The following TRIQK variants were observed in gnomAD, a reference collection of about 807,000 sequenced individuals.
The protein encoded by TRIQK is triple QxxK/R motif-containing protein.
Under a neutral mutation model 10.8 loss-of-function variants are expected in TRIQK, and 10 were observed. The observed-to-expected ratio is 0.92, with a 90% CI of 0.57 to 1.57. The LOEUF is 1.57. Among genes scored for constraint, TRIQK ranks in the 40% most tolerant of loss-of-function variants. The pLI is 0.00. For missense variants in TRIQK, 107 were observed against 97.7 expected (o/e 1.09, Z -0.40); for synonymous variants, 33 against 33.7 (o/e 0.98, Z 0.07).
intron 1 of TRIQK, among the ~76,000 whole-genome samples, chr8:93,012,109 G>T (rs760651667): frequency 6.6e-6 from 1 of 152,174 alleles, no homozygotes; most frequent in Non-Finnish European, 1.5e-5. Context: ...GGAATAAATT[G>T]ATAGGAATTA....
intron 2 of TRIQK, among the ~76,000 whole-genome samples, chr8:92,917,267 A>C (rs1380854457): frequency 6.6e-6 from 1 of 152,144 alleles, no homozygotes; most frequent in East Asian, 1.9e-4. Flanking sequence ...CCATTAAACC[A>C]TATTGTTAAA....
intron 1 of TRIQK, among the ~76,000 whole-genome samples, chr8:92,976,454 T>G (rs1812932454): frequency 2.0e-5 from 3 of 152,050 alleles, no homozygotes; most frequent in Admixed American, 2.0e-4. Context: ...AATATAATCA[T>G]GTCAGCTTTC....
At position 92,936,091 on chromosome 8, in the gene TRIQK, A is replaced by C. The variant is rs1371588318; in HGVS notation, c.-22+18315T>G. Among the ~76,000 whole-genome samples the C allele has an allele frequency of 2.6e-5, 4 of 151,734 alleles. No individual in the cohort carries two copies. In the East Asian group the frequency reaches 7.7e-4, roughly 29 times the overall value. On this transcript the variant is annotated intron_variant, in intron 2 of 4. Transcript: ENST00000521988. ...AAATATTAAACTATTTTGAAGCCTA[A>C]AAATTGGCACACTTCTCAACTCATT...
rs577370209 is a variant in TRIQK, at chr8:93,016,881, G to A, written c.-181+728C>T. Among the ~76,000 whole-genome samples, 3 of 152,126 alleles carry A rather than the reference G, an allele frequency of 2.0e-5. No homozygotes were observed. In the South Asian group the frequency reaches 6.2e-4, roughly 32 times the overall value. On this transcript the variant is annotated intron_variant, in intron 1 of 4. Coordinates refer to the TRIQK transcript ENST00000520686. ...GCAAAAGAAGTGCTAGCACAGAAGG[G>A]ATGAATTAAAAAATGTATGGCATAT...
rs531219166 is a variant in TRIQK, at chr8:92,927,500, T to C, written c.-21-10490A>G. On this transcript the variant is annotated intron_variant, in intron 2 of 4. Transcript: ENST00000521988. ...CAAATACTAGGAGTGAAAGTTATTT[T>C]ACTAGAGAAGAAAGGTTATTAAAGG... 2.6e-5 allele frequency among the ~76,000 whole-genome samples: 4 copies of C among 152,296 alleles called. No individual in the cohort carries two copies. The East Asian group carries it at 7.7e-4, about 29-fold the overall frequency.
intron 1 of TRIQK, among the ~76,000 whole-genome samples, chr8:92,963,006 GTC>G (rs1178888897): frequency 1.3e-5 from 2 of 152,186 alleles, no homozygotes; most frequent in Non-Finnish European, 2.9e-5. Context: ...GGCGCCACAT[GTC>G]TGTTTACAAA....
At chr8:92,949,815 AAAGAAAGAAAG>A in intron 2 of TRIQK, among the ~76,000 whole-genome samples, 1 of 144,662 alleles carries the variant, frequency 6.9e-6, no homozygotes, top group South Asian at 2.3e-4. Flanking sequence ...AGAAAGAAAG[AAAGAAAGAAAG>A]AAAGAAAGAA....
At chr8:92,954,629 C>A (rs1812080396) in intron 1 of TRIQK, 65 bp from the exon 2 acceptor site, 1 of 151,910 alleles carries the variant, frequency 6.6e-6, no homozygotes, top group African/African-American at 2.4e-5. Context: ...TAATAGTCCA[C>A]AAATTTAAAT....
chr8:92,942,239 A>T (rs1811304389), intron 2 of TRIQK, among the ~76,000 whole-genome samples: 2 of 152,196 alleles, frequency 1.3e-5, no homozygotes, highest in Non-Finnish European at 2.9e-5. Context: ...GGATGGTTCA[A>T]CGTATGCAAA....
intron 1 of TRIQK, among the ~76,000 whole-genome samples, chr8:92,983,451 A>G (rs1813004814): frequency 6.6e-6 from 1 of 152,094 alleles, no homozygotes; most frequent in African/African-American, 2.4e-5. Flanking sequence ...GCAGTAATTC[A>G]TGGAGTCAGT....
chr8:92,967,295 GA>G (rs74928028), upstream of TRIQK, among the ~76,000 whole-genome samples: 30 of 130,966 alleles, frequency 2.3e-4, no homozygotes, highest in South Asian at 7.3e-4. Context: ...TAAGAAAAAA[GA>G]AAAAAAAAAA....
chr8:92,936,353 T>C (rs1810987963), intron 2 of TRIQK, among the ~76,000 whole-genome samples: 2 of 151,594 alleles, frequency 1.3e-5, no homozygotes, highest in Admixed American at 1.3e-4. Context: ...TCTTGTTAAC[T>C]GATTAAAGGA....
intron 1 of TRIQK, among the ~76,000 whole-genome samples, chr8:93,003,137 G>C (rs948233971): frequency 2.0e-5 from 3 of 152,018 alleles, no homozygotes; most frequent in Non-Finnish European, 2.9e-5. Context: ...TGATTATGTG[G>C]GTGTATCCAT....
chr8:93,011,759 A>G (rs1813338541), intron 1 of TRIQK, among the ~76,000 whole-genome samples: 1 of 152,180 alleles, frequency 6.6e-6, no homozygotes, highest in East Asian at 1.9e-4. Flanking sequence ...TGACCATAAA[A>G]CTATGAACTG....
At chr8:93,002,918 C>G (rs1405645668) in intron 1 of TRIQK, among the ~76,000 whole-genome samples, 1 of 147,284 alleles carries the variant, frequency 6.8e-6, no homozygotes, top group Non-Finnish European at 1.5e-5. Context: ...AGAACTCCAT[C>G]TCAAAAAAAA....
At position 92,891,984 on chromosome 8, in the gene TRIQK, T is replaced by C; in HGVS notation, c.147+5A>G. On this transcript the variant is annotated splice_donor_5th_base_variant and intron_variant, in intron 4 of 4. Transcript: ENST00000521988. Reference sequence around the variant, plus strand: ...AAATTTTAAAGTTATCAAATAGAGGTTTACCTTTATGCCTATTGCTGTTTT... The same window carrying C: ...AAATTTTAAAGTTATCAAATAGAGGCTTACCTTTATGCCTATTGCTGTTTT... 6.5e-7 allele frequency: 1 copy of C among 1,528,898 alleles called. No homozygotes were observed. The highest frequency in any genetic ancestry group is 2.5e-5 in the East Asian group (1 of 40,654). The allele number at this position is 1,528,898 out of a possible 1,614,324, so 94.7% of individuals were successfully genotyped here.
chr8:92,957,830 T>C (rs1408885725), intron 1 of TRIQK, among the ~76,000 whole-genome samples: 1 of 151,930 alleles, frequency 6.6e-6, no homozygotes, highest in Non-Finnish European at 1.5e-5. Context: ...AACAGCCTGC[T>C]CACATAAGTT....
chr8:92,943,646 T>A (rs1377978308), intron 2 of TRIQK, among the ~76,000 whole-genome samples: 4 of 152,220 alleles, frequency 2.6e-5, no homozygotes, highest in African/African-American at 9.6e-5. Flanking sequence ...GCTAGATTCC[T>A]GTCTCTTGCT....
At chr8:92,997,786 C>A (rs575313347) in intron 1 of TRIQK, among the ~76,000 whole-genome samples, 1 of 151,954 alleles carries the variant, frequency 6.6e-6, no homozygotes, top group Non-Finnish European at 1.5e-5. Context: ...GCCAGGGGAA[C>A]TGGATTTAGT....
Sources: allele counts gnomAD v4.1 joint callset (sites outside exome capture counted in the v4.1 genomes callset), GRCh38; gene constraint gnomAD v4.1.1; transcripts MANE v1.5; gene names NCBI Gene and HGNC (gene_info 2026-07-23, HGNC 2026-07-21).